Variants in PPP2R3A observed in about 807,000 individuals in gnomAD.
PPP2R3A encodes the protein serine/threonine-protein phosphatase 2A regulatory subunit B'' subunit alpha.
PPP2R3A carries 80 observed loss-of-function variants against 106.9 expected under a neutral mutation model. The ratio of observed to expected loss-of-function variants is 0.75; its 90% CI spans 0.62 to 0.90. PPP2R3A has a LOEUF of 0.90. PPP2R3A is among the 40% of genes least tolerant of loss of function. The pLI, the probability that PPP2R3A is intolerant of heterozygous loss-of-function variation, is 0.00. For synonymous variants in PPP2R3A, 483 were observed against 468.3 expected, an observed-to-expected ratio of 1.03 and a Z score of -0.41; for missense variants, 1,386 against 1,350.4, an observed-to-expected ratio of 1.03 and a Z score of -0.41.
intron 5 of PPP2R3A, among the ~76,000 whole-genome samples, chr3:136,051,706 T>C (rs997324634): frequency 1.3e-5 from 2 of 152,202 alleles, no homozygotes; most frequent in African/African-American, 4.8e-5. Context: ...TCCTAGTCAA[T>C]GAATTTTCAC....
At chr3:136,046,826 G>A (rs1430589440) in intron 4 of PPP2R3A, among the ~76,000 whole-genome samples, 1 of 152,218 alleles carries the variant, frequency 6.6e-6, no homozygotes, top group Non-Finnish European at 1.5e-5. Flanking sequence ...ACAGGAGAAA[G>A]TTGAAACTCA....
rs1175192495 is a variant in PPP2R3A at position 136,139,848 on chromosome 3, T to TA, written c.3330-5187dup. 2.4e-4 allele frequency among the ~76,000 whole-genome samples: 35 copies of TA among 147,778 alleles called. 1 individual carries two copies. Among genetic ancestry groups the TA allele is most frequent in the Admixed American group, 2.0e-4 (3 of 14,738 alleles). ...GTGAAAACCCTATCTCTACTAAAAA[T>TA]AAAAAAAATTAGCTAGGTGTGGTGG... On this transcript the variant is annotated intron_variant, in intron 13 of 13. Coordinates refer to ENST00000264977, the MANE Select transcript of PPP2R3A (RefSeq NM_002718.5).
intron 5 of PPP2R3A, among the ~76,000 whole-genome samples, chr3:136,064,365 T>C (rs1936190020): frequency 6.6e-6 from 1 of 151,664 alleles, no homozygotes; most frequent in African/African-American, 2.4e-5. Flanking sequence ...CATGTATACA[T>C]ATGTAACTAA....
In PPP2R3A at chr3:135,978,456, A is replaced by G. The variant is rs567632225; in HGVS notation, c.-441+12607A>G. Among the ~76,000 whole-genome samples the G allele has an allele frequency of 4.0e-5, 6 of 151,360 alleles. 1 individual carries two copies. Among genetic ancestry groups the G allele is most frequent in the African/African-American group, 1.5e-4 (6 of 40,896 alleles). ...AAAAATAATTCATTTTCACCTTTGT[A>G]TATGATTGGTGTTGTGGACAACTGG... is the stretch of plus-strand genomic sequence containing the variant. On this transcript the variant is annotated intron_variant, in intron 1 of 13. Transcript: ENST00000264977.
intron 3 of PPP2R3A, among the ~76,000 whole-genome samples, chr3:136,037,941 T>TA (rs201691488): frequency 0.012 from 1,767 of 143,428 alleles, 29 homozygotes; most frequent in African/African-American, 0.036. Flanking sequence ...TCTTCCTTTG[T>TA]AAAAAAAAAA....
At chr3:136,043,185 C>T (rs541441527) in intron 4 of PPP2R3A, among the ~76,000 whole-genome samples, 47 of 151,866 alleles carry the variant, frequency 3.1e-4, no homozygotes, top group Admixed American at 2.9e-3. Flanking sequence ...AATGGCCGGG[C>T]GTGGTGGCTC....
chr3:136,085,946 T>TA (rs1161386008), intron 8 of PPP2R3A, among the ~76,000 whole-genome samples: 3 of 150,818 alleles, frequency 2.0e-5, no homozygotes, highest in Non-Finnish European at 4.4e-5. Context: ...AATTAAAAAT[T>TA]AAAAAATGTC....
At position 136,145,173 on chromosome 3, in the gene PPP2R3A, G is replaced by C. The variant is rs1296676814; in HGVS notation, c.*7G>C. The stretch of plus-strand genomic sequence containing the variant: ...ATCAGTGGATGAAGAATAGCTGCCG[G>C]TGTCTACAATGAAACGAAGATGTGT... On this transcript the variant is annotated 3_prime_UTR_variant, in exon 14 of 14. Coordinates refer to ENST00000264977, the MANE Select transcript of PPP2R3A (RefSeq NM_002718.5). 6.2e-7 allele frequency: 1 copy of C among 1,604,550 alleles called. No homozygotes were observed. The highest frequency in any genetic ancestry group is 1.3e-5 in the African/African-American group (1 of 74,292).
At chr3:136,009,182 C>T (rs1315858475) in intron 2 of PPP2R3A, among the ~76,000 whole-genome samples, 1 of 152,130 alleles carries the variant, frequency 6.6e-6, no homozygotes, top group Non-Finnish European at 1.5e-5. Flanking sequence ...ATACTGTAGC[C>T]AGTGAAATGG....
In PPP2R3A at chr3:135,969,754, A is replaced by G. The variant is rs530746709; in HGVS notation, c.-441+3905A>G. Reference sequence around the variant, plus strand: ...TTGTTTAATTTTGAATTAGTTGCCAATATTTTAAAATCTGAAGATTTCTCA... The same window carrying G: ...TTGTTTAATTTTGAATTAGTTGCCAGTATTTTAAAATCTGAAGATTTCTCA... On this transcript the variant is annotated intron_variant, in intron 1 of 13. Transcript: ENST00000264977. Among the ~76,000 whole-genome samples, 5 of 152,310 alleles carry G rather than the reference A, an allele frequency of 3.3e-5. No individual in the cohort carries two copies. In the East Asian group the frequency reaches 5.8e-4, roughly 18 times the overall value.
intron 6 of PPP2R3A, among the ~76,000 whole-genome samples, chr3:136,073,069 G>A (rs191522925): frequency 5.7e-4 from 87 of 152,216 alleles, no homozygotes; most frequent in East Asian, 2.5e-3. Context: ...TCGGGTTCAC[G>A]CCATTCTCCT....
chr3:136,011,988 C>CACATAT (rs1553743063), intron 2 of PPP2R3A, among the ~76,000 whole-genome samples: 1 of 131,776 alleles, frequency 7.6e-6, no homozygotes. Context: ...CACACACACA[C>CACATAT]ACACATACAC....
rs575496052 is a variant in PPP2R3A, at chr3:136,032,622, C to A, written c.2262+5524C>A. On this transcript the variant is annotated intron_variant, in intron 3 of 13. Coordinates refer to ENST00000264977, the MANE Select transcript of PPP2R3A (RefSeq NM_002718.5). ...AGCTCACTGCAGACTGCAAGCTCTG[C>A]CTCCCGGGTTGACACCATTCTCCTG... Among the ~76,000 whole-genome samples the A allele has an allele frequency of 1.1e-4, 16 of 151,866 alleles. No individual in the cohort carries two copies. The South Asian group carries it at 3.3e-3, about 32-fold the overall frequency.
intron 13 of PPP2R3A, among the ~76,000 whole-genome samples, chr3:136,140,556 C>G (rs954996603): frequency 6.6e-6 from 1 of 151,976 alleles, no homozygotes. Flanking sequence ...TGAGACCAGC[C>G]TGACCAACAT....
chr3:136,046,285 T>G (rs1238764901), intron 4 of PPP2R3A, among the ~76,000 whole-genome samples: 7 of 152,002 alleles, frequency 4.6e-5, no homozygotes, highest in African/African-American at 1.7e-4. Flanking sequence ...AAACCCCATC[T>G]CTACTAAAAA....
At chr3:136,027,481 A>C (rs1041653038) in intron 3 of PPP2R3A, among the ~76,000 whole-genome samples, 3 of 152,170 alleles carry the variant, frequency 2.0e-5, no homozygotes, top group African/African-American at 7.2e-5. Context: ...ACAAGGAAGC[A>C]TTAGACCATC....
intron 13 of PPP2R3A, among the ~76,000 whole-genome samples, chr3:136,131,711 A>G (rs754065732): frequency 2.0e-5 from 3 of 152,204 alleles, no homozygotes; most frequent in East Asian, 3.8e-4. Context: ...ACATACACAC[A>G]TATAAACATA....
intron 1 of PPP2R3A, among the ~76,000 whole-genome samples, chr3:135,988,252 TAA>T (rs1187748946): frequency 1.3e-4 from 18 of 137,860 alleles, no homozygotes; most frequent in Middle Eastern, 3.6e-3. Flanking sequence ...GTTCAAGGAT[TAA>T]AAAAAAAAAA....
intron 6 of PPP2R3A, among the ~76,000 whole-genome samples, chr3:136,075,870 T>C (rs1936580037): frequency 6.6e-6 from 1 of 152,238 alleles, no homozygotes; most frequent in Non-Finnish European, 1.5e-5. Flanking sequence ...CATGGAATTA[T>C]GATAAATCAA....
Sources: allele counts gnomAD v4.1 joint callset (sites outside exome capture counted in the v4.1 genomes callset), GRCh38; gene constraint gnomAD v4.1.1; transcripts MANE v1.5; gene names NCBI Gene and HGNC (gene_info 2026-07-23, HGNC 2026-07-21).